Variants in APBB2 observed in about 807,000 individuals in gnomAD.
The protein encoded by APBB2 is amyloid beta precursor protein binding family B member 2, also known as Fe65-like 1.
In APBB2, 38 loss-of-function variants were observed where a neutral mutation model predicts 82.5. That is an observed-to-expected ratio of 0.46 (90% CI 0.36 to 0.60). APBB2 has a LOEUF of 0.60. Ranked by LOEUF, APBB2 falls within the 20% of genes least tolerant of loss-of-function variation. The pLI is 0.00. For missense variants in APBB2, 772 were observed against 972.3 expected, an observed-to-expected ratio of 0.79 and a Z score of 2.74; for synonymous variants, 341 against 368.2, an observed-to-expected ratio of 0.93 and a Z score of 0.85.
At chr4:41,065,095 T>C (rs892288415) in intron 4 of APBB2, among the ~76,000 whole-genome samples, 2 of 152,040 alleles carry the variant, frequency 1.3e-5, no homozygotes, top group African/African-American at 4.8e-5. Flanking sequence ...AAGACCAGCC[T>C]GGGCAACACA....
chr4:40,877,010 G>A (rs571348930), intron 12 of APBB2, among the ~76,000 whole-genome samples: 5 of 152,378 alleles, frequency 3.3e-5, no homozygotes, highest in African/African-American at 1.2e-4. Flanking sequence ...TATGGGTGGG[G>A]AGGACCCACA....
intron 12 of APBB2, among the ~76,000 whole-genome samples, chr4:40,881,699 A>G (rs1768664318): frequency 1.3e-5 from 2 of 151,188 alleles, no homozygotes. Flanking sequence ...ACACCTGGCT[A>G]ATTTTTGTAT....
chr4:41,080,317 G>C (rs1360150880), intron 3 of APBB2, among the ~76,000 whole-genome samples: 1 of 152,182 alleles, frequency 6.6e-6, no homozygotes, highest in East Asian at 1.9e-4. Flanking sequence ...GACAAAGCTA[G>C]AAGTTAAGAT....
chr4:40,852,212 A>G (rs902215866), intron 12 of APBB2, among the ~76,000 whole-genome samples: 1 of 151,932 alleles, frequency 6.6e-6, no homozygotes, highest in Non-Finnish European at 1.5e-5. Flanking sequence ...TTAGTGGGGC[A>G]TGGTGGTGCA....
intron 1 of APBB2, among the ~76,000 whole-genome samples, chr4:41,167,458 C>G (rs1387978013): frequency 6.6e-6 from 1 of 152,206 alleles, no homozygotes; most frequent in African/African-American, 2.4e-5. Flanking sequence ...GAAAGACACT[C>G]TCACCACTCA....
intron 6 of APBB2, among the ~76,000 whole-genome samples, chr4:40,967,669 G>T (rs148412561): frequency 6.6e-6 from 1 of 152,172 alleles, no homozygotes; most frequent in Non-Finnish European, 1.5e-5. Flanking sequence ...CTTGCCACTC[G>T]TGTCTGGCTC....
intron 2 of APBB2, among the ~76,000 whole-genome samples, chr4:41,115,053 T>G (rs951000683): frequency 6.6e-6 from 1 of 152,098 alleles, no homozygotes; most frequent in African/African-American, 2.4e-5. Flanking sequence ...GGAGGCATCA[T>G]GCTACCTGAC....
intron 12 of APBB2, chr4:40,880,340 G>A: frequency 1.0e-6 from 1 of 985,302 alleles, no homozygotes; most frequent in Non-Finnish European, 1.2e-6. Flanking sequence ...ATAGTCACTG[G>A]ACTCCCCAGG....
At chr4:41,154,016 C>A (rs528739305) in intron 1 of APBB2, among the ~76,000 whole-genome samples, 3 of 152,220 alleles carry the variant, frequency 2.0e-5, no homozygotes, top group African/African-American at 7.2e-5. Context: ...AATAGAGGTC[C>A]ATAAATTACT....
At chr4:41,079,150 G>C (rs1736654983) in intron 3 of APBB2, among the ~76,000 whole-genome samples, 1 of 152,248 alleles carries the variant, frequency 6.6e-6, no homozygotes, top group East Asian at 1.9e-4. Flanking sequence ...CCAGTGTTCA[G>C]TGACAGGGTC....
chr4:41,157,978 T>C (rs1211446632), intron 1 of APBB2, among the ~76,000 whole-genome samples: 1 of 151,902 alleles, frequency 6.6e-6, no homozygotes, highest in Admixed American at 6.6e-5. Context: ...GGCGACAGAG[T>C]GAGACTCCAC....
At chr4:41,133,569 T>A in intron 2 of APBB2, among the ~76,000 whole-genome samples, 1 of 152,206 alleles carries the variant, frequency 6.6e-6, no homozygotes, top group East Asian at 1.9e-4. Flanking sequence ...TAGCTTAACC[T>A]TTCCGTTTAT....
chr4:40,916,843 G>A (rs1560894959), intron 10 of APBB2, among the ~76,000 whole-genome samples: 1 of 152,208 alleles, frequency 6.6e-6, no homozygotes, highest in South Asian at 2.1e-4. Context: ...GAAGCCTTGA[G>A]ATGGTGACGG....
chr4:40,982,242 GA>G (rs1354939295), intron 6 of APBB2, among the ~76,000 whole-genome samples: 2 of 7,676 alleles, frequency 2.6e-4, no homozygotes, highest in African/African-American at 7.6e-4. Context: ...AAGAAAGAAA[GA>G]AAGAAAGAAA....
intron 3 of APBB2, among the ~76,000 whole-genome samples, chr4:41,092,375 A>G (rs1032015356): frequency 2.6e-5 from 4 of 152,220 alleles, no homozygotes; most frequent in Non-Finnish European, 4.4e-5. Context: ...TAAAGTCGGC[A>G]TTCCTAGCTC....
intron 6 of APBB2, among the ~76,000 whole-genome samples, chr4:40,946,251 A>AC (rs1788399795): frequency 6.6e-6 from 1 of 150,474 alleles, no homozygotes; most frequent in African/African-American, 2.5e-5. Context: ...AAAAAAAAAA[A>AC]AAACATTCCC....
chr4:41,025,960 A>G (rs56043702), intron 5 of APBB2, among the ~76,000 whole-genome samples: 13,881 of 150,218 alleles, frequency 0.092, 1,147 homozygotes, highest in African/African-American at 0.22. Context: ...AAAAAAAAAA[A>G]AAAGAAAAAA....
At chr4:40,921,405 A>T (rs7687074) in intron 10 of APBB2, among the ~76,000 whole-genome samples, 1 of 152,208 alleles carries the variant, frequency 6.6e-6, no homozygotes, top group Non-Finnish European at 1.5e-5. Flanking sequence ...TCTCCCCTGC[A>T]TGGTGGTTCT....
At chr4:40,867,035 C>G (rs1369959960) in intron 12 of APBB2, among the ~76,000 whole-genome samples, 1 of 152,160 alleles carries the variant, frequency 6.6e-6, no homozygotes, top group African/African-American at 2.4e-5. Context: ...AGATTACAGG[C>G]ATGAGCCACC....
Sources: allele counts gnomAD v4.1 joint callset (sites outside exome capture counted in the v4.1 genomes callset), GRCh38; gene constraint gnomAD v4.1.1; transcripts MANE v1.5; gene names NCBI Gene and HGNC (gene_info 2026-07-23, HGNC 2026-07-21).